The following CCDC88C variants were observed in gnomAD, a reference collection of about 807,000 sequenced individuals.
CCDC88C encodes coiled-coil and HOOK domain protein 88C.
Under a neutral mutation model 198.8 loss-of-function variants are expected in CCDC88C, and 131 were observed. The ratio of observed to expected loss-of-function variants is 0.66; its 90% CI spans 0.57 to 0.76. The LOEUF (loss-of-function observed/expected upper bound fraction) is 0.76, where lower values mean the gene tolerates loss of function less well. CCDC88C is among the 30% of genes least tolerant of loss of function. The pLI, the probability that CCDC88C is intolerant of heterozygous loss-of-function variation, is 0.00. For missense variants in CCDC88C, 2,553 were observed against 2,631.6 expected (o/e 0.97, Z 0.65); for synonymous variants, 1,166 against 1,114.7 (o/e 1.05, Z -0.92).
chr14:91,366,224 G>A (rs905281302), intron 3 of CCDC88C, among the ~76,000 whole-genome samples: 5 of 149,670 alleles, frequency 3.3e-5, no homozygotes, highest in Non-Finnish European at 7.4e-5. Flanking sequence ...GGTGGTTCAC[G>A]CCTGTAATCC....
rs752697569 is a variant in CCDC88C, at chr14:91,307,239, C to A, written c.3007-13G>T. Reference sequence around the variant, plus strand: ...ACTCCTTCTTTAGCTACAGGTGTGACAATAAGCAAGGAGGCTTTAGGCGGA... The same window carrying A: ...ACTCCTTCTTTAGCTACAGGTGTGAAAATAAGCAAGGAGGCTTTAGGCGGA... On this transcript the variant is annotated splice_polypyrimidine_tract_variant and intron_variant, in intron 17 of 29. Transcript: ENST00000389857. The A allele has an allele frequency of 5.0e-6, 8 of 1,611,776 alleles. No homozygotes were observed. Among genetic ancestry groups the A allele is most frequent in the Non-Finnish European group, 6.8e-6 (8 of 1,179,622 alleles).
At chr14:91,410,885 C>T (rs1244561954) in intron 2 of CCDC88C, among the ~76,000 whole-genome samples, 1 of 152,108 alleles carries the variant, frequency 6.6e-6, no homozygotes, top group Non-Finnish European at 1.5e-5. Context: ...GGCCAGGAGC[C>T]GAAAGCCTCA....
chr14:91,294,401 G>A, intron 22 of CCDC88C, 83 bp from the exon 23 acceptor site: 1 of 1,486,382 alleles, frequency 6.7e-7, no homozygotes, highest in Non-Finnish European at 9.2e-7. Context: ...AAGGAAGAAG[G>A]CCACTGCACA....
Position 91,339,739 on chromosome 14 carries a change from C to A in CCDC88C, c.624+145G>T. ...CGAGGTGACCATGCACTGCAGGGGC[C>A]GTAACCAGGGAAAGCACGCACGTCC... On this transcript the variant is annotated intron_variant, in intron 7 of 29. Coordinates refer to ENST00000389857, the MANE Select transcript of CCDC88C (RefSeq NM_001080414.4). The surrounding 1 kb of genome is among the most constrained non-coding windows in gnomAD (Gnocchi z 5.8). 1 of 1,057,584 alleles carries A rather than the reference C, an allele frequency of 9.5e-7. No individual in the cohort carries two copies. 65.5% of individuals were successfully genotyped at this position (1,057,584 alleles called of 1,614,324 possible).
chr14:91,279,556 G>C (rs1000494263), intron 27 of CCDC88C: 2 of 359,752 alleles, frequency 5.6e-6, no homozygotes, highest in East Asian at 9.2e-5. Context: ...ATGAGGCCTG[G>C]GGCTGCAGCT....
intron 28 of CCDC88C, among the ~76,000 whole-genome samples, chr14:91,278,694 G>A (rs978509300): frequency 1.1e-4 from 17 of 152,118 alleles, no homozygotes; most frequent in Admixed American, 3.3e-4. Context: ...AATGAGACTC[G>A]GGACCTGTGA....
At chr14:91,411,282 A>G (rs1458312628) in intron 2 of CCDC88C, among the ~76,000 whole-genome samples, 1 of 152,192 alleles carries the variant, frequency 6.6e-6, no homozygotes, top group South Asian at 2.1e-4. Flanking sequence ...CATGGGTTCT[A>G]GCCCAGGTCC....
intron 27 of CCDC88C, 62 bp from the exon 28 acceptor site, chr14:91,279,368 C>T: frequency 7.2e-7 from 1 of 1,385,186 alleles, no homozygotes; most frequent in Middle Eastern, 1.8e-4. Flanking sequence ...CCAGATGAGC[C>T]ATCTAAGAAA....
intron 3 of CCDC88C, among the ~76,000 whole-genome samples, chr14:91,378,414 T>C (rs1884591547): frequency 6.6e-6 from 1 of 152,228 alleles, no homozygotes; most frequent in Admixed American, 6.5e-5. Context: ...ACTGGGTTAA[T>C]TGTTCATGGC....
At chr14:91,417,025 G>A in intron 1 of CCDC88C, 187 bp from the exon 2 acceptor site, 1 of 695,010 alleles carries the variant, frequency 1.4e-6, no homozygotes, top group Non-Finnish European at 2.6e-6. Flanking sequence ...CCCCGCGCGG[G>A]GCAACAGACA....
At chr14:91,408,560 C>T (rs1164704423) in intron 3 of CCDC88C, 99 bp downstream of exon 3, 1 of 769,836 alleles carries the variant, frequency 1.3e-6, no homozygotes, top group African/African-American at 1.7e-5. Flanking sequence ...GAGGCCTAAA[C>T]ATAAGCACCG....
In CCDC88C at chr14:91,381,560, C is replaced by CGG. The variant is rs1884792719; in HGVS notation, c.271-21851_271-21850dup. Among the ~76,000 whole-genome samples, 2 of 152,184 alleles carry CGG rather than the reference C, an allele frequency of 1.3e-5. No homozygotes were observed. Among genetic ancestry groups the CGG allele is most frequent in the African/African-American group, 4.8e-5 (2 of 41,436 alleles). ...TCAAGCCGGGCCTTTTGGCCGGGTG[C>CGG]GGTGGCTCATGCCTGTAATCCTAGC... On this transcript the variant is annotated intron_variant, in intron 3 of 29. Transcript: ENST00000389857. The surrounding 1 kb of genome is among the most constrained non-coding windows in gnomAD (Gnocchi z 4.2).
Position 91,313,050 on chromosome 14 carries a change from C to T in CCDC88C, c.2736+30G>A, listed in dbSNP as rs1891906028. On this transcript the variant is annotated intron_variant, in intron 15 of 29. Transcript: ENST00000389857. The surrounding 1 kb of genome is among the most constrained non-coding windows in gnomAD (Gnocchi z 5.2). ...AACCCACTACCACCATCTGCCAATC[C>T]CCTTACAGGCGCCGCCTGTGTTTGC... The T allele has an allele frequency of 1.3e-6, 2 of 1,522,100 alleles. No individual in the cohort carries two copies. Among genetic ancestry groups the T allele is most frequent in the East Asian group, 4.5e-5 (2 of 44,130 alleles). 94.3% of individuals were successfully genotyped at this position (1,522,100 alleles called of 1,614,324 possible).
intron 10 of CCDC88C, among the ~76,000 whole-genome samples, chr14:91,328,033 C>CAG (rs1892649195): frequency 6.6e-6 from 1 of 152,166 alleles, no homozygotes; most frequent in Non-Finnish European, 1.5e-5. Context: ...CCAGGAACCT[C>CAG]AGGCAGGACT....
chr14:91,404,488 C>A (rs1379346449), intron 3 of CCDC88C, among the ~76,000 whole-genome samples: 1 of 152,186 alleles, frequency 6.6e-6, no homozygotes, highest in Non-Finnish European at 1.5e-5. Flanking sequence ...TCAGAATCAC[C>A]TGGGGGCCTG....
rs376204201 is a variant in CCDC88C, at chr14:91,303,845, T to C, written c.3491A>G (p.Tyr1164Cys). 13 of 1,613,268 alleles carry C rather than the reference T, an allele frequency of 8.1e-6. No homozygotes were observed. Among genetic ancestry groups the C allele is most frequent in the Non-Finnish European group, 1.1e-5 (13 of 1,179,886 alleles). The change falls in exon 20 of 30, where the codon TAC becomes TGC. Residue 1164 changes from tyrosine (Y) to cysteine (C), a missense_variant. Tyr to Cys is a radical substitution (Grantham distance 194). Coordinates refer to ENST00000389857, the MANE Select transcript of CCDC88C (RefSeq NM_001080414.4). ...CTCGTGGTCCTGCAGCAGGGCCTCG[T>C]AGGCCGCTGTAAGTTGCTCCTGCTG... ...QRQQEQLTAA[Y>C]EALLQDHEHL...
At chr14:91,290,503 C>T (rs1033903647) in intron 24 of CCDC88C, among the ~76,000 whole-genome samples, 1 of 152,196 alleles carries the variant, frequency 6.6e-6, no homozygotes, top group African/African-American at 2.4e-5. Flanking sequence ...AGAGCTGCTG[C>T]TCTCTGGGGA....
Position 91,386,681 on chromosome 14 carries a change from C to A in CCDC88C, c.270+21978G>T, listed in dbSNP as rs114153836. Among the ~76,000 whole-genome samples, 1,144 of 152,300 alleles carry A rather than the reference C, an allele frequency of 7.5e-3. 12 individuals are homozygous for A. Among genetic ancestry groups the A allele is most frequent in the African/African-American group, 0.026 (1,091 of 41,560 alleles). On this transcript the variant is annotated intron_variant, in intron 3 of 29. Coordinates refer to ENST00000389857, the MANE Select transcript of CCDC88C (RefSeq NM_001080414.4). ...CTTGCATGCCACCTTTTAGACTTTCCACCATGGCCGAGCCCAGTGTTGGAC... is the reference window on the plus strand; with the variant it reads ...CTTGCATGCCACCTTTTAGACTTTCAACCATGGCCGAGCCCAGTGTTGGAC...
intron 26 of CCDC88C, among the ~76,000 whole-genome samples, chr14:91,282,757 T>C (rs1450551168): frequency 6.6e-6 from 1 of 152,178 alleles, no homozygotes; most frequent in Non-Finnish European, 1.5e-5. Context: ...GAACTTCCAG[T>C]TCAGAGACGC....
Sources: gnomAD v4.1 joint callset for allele counts (sites outside exome capture counted in the v4.1 genomes callset) on GRCh38, gnomAD v4.1.1 for gene constraint, Gnocchi (gnomAD v3.1) non-coding constraint, MANE v1.5 for transcripts, NCBI Gene and HGNC (gene_info 2026-07-23, HGNC 2026-07-21) for gene names.